SASH1: variants seen among roughly 807,000 people sequenced by gnomAD.
SASH1 encodes SAM and SH3 domain containing 1.
A neutral mutation model predicts 125.2 loss-of-function variants in SASH1; 44 were observed. The ratio of observed to expected loss-of-function variants is 0.35; its 90% confidence interval spans 0.28 to 0.45. The LOEUF (loss-of-function observed/expected upper bound fraction) is 0.45, where lower values mean the gene tolerates loss of function less well. Ranked by LOEUF, SASH1 falls within the 20% of genes least tolerant of loss-of-function variation. SASH1 has a pLI of 1.00. For missense variants in SASH1, 1,426 were observed against 1,614.5 expected, an observed-to-expected ratio of 0.88 and a Z score of 2.00; for synonymous variants, 639 against 649.1, an observed-to-expected ratio of 0.98 and a Z score of 0.24.
intron 1 of SASH1, among the ~76,000 whole-genome samples, chr6:148,295,135 A>G (rs1416857069): frequency 2.0e-5 from 3 of 152,150 alleles, no homozygotes; most frequent in Non-Finnish European, 4.4e-5. Context: ...TCCTCATTTT[A>G]TAGATGAGTA....
rs1056928594 is a variant in SASH1, at chr6:148,546,145, C to T, written c.3479C>T (p.Ala1160Val). Residue 1160 changes from alanine to valine, a missense_variant and splice_region_variant, in exon 19 of 20, where the codon GCG (alanine) becomes GTG (valine). Physicochemically the swap from Ala to Val is moderately conservative, Grantham distance 64. Around this residue, in one of 3 missense-constraint regions of SASH1, gnomAD observed 634 missense variants for 694.4 expected, o/e 0.91. Coordinates refer to ENST00000367467, the MANE Select transcript of SASH1 (RefSeq NM_015278.5). ...CAGCTTCGGAAGCAGCACCGCATGGCGGTGAGCAGCCCACAGTTCTCCAGC... is the reference window on the plus strand; with the variant it reads ...CAGCTTCGGAAGCAGCACCGCATGGTGGTGAGCAGCCCACAGTTCTCCAGC... ...VKQLRKQHRMAIPSGGLTEIC... is the reference protein window; with the variant it reads ...VKQLRKQHRMVIPSGGLTEIC... The T allele has an allele frequency of 6.2e-6, 10 of 1,613,566 alleles. No homozygotes were observed. Among genetic ancestry groups the T allele is most frequent in the Admixed American group, 3.3e-5 (2 of 59,914 alleles).
At chr6:148,450,513 C>T (rs1777043563) in intron 4 of SASH1, among the ~76,000 whole-genome samples, 1 of 152,000 alleles carries the variant, frequency 6.6e-6, no homozygotes, top group Admixed American at 6.6e-5. Context: ...TTCTCAGTCT[C>T]TTAACTGTCT....
chr6:148,415,317 C>T (rs1295705499), intron 2 of SASH1, among the ~76,000 whole-genome samples: 1 of 152,176 alleles, frequency 6.6e-6, no homozygotes, highest in Non-Finnish European at 1.5e-5. Flanking sequence ...GTGCCGCTTC[C>T]TTTCCTTCCT....
rs374218290 is a variant in SASH1, at chr6:148,359,325, G to GTTTTTT, written c.156+16113_156+16118dup. On this transcript the variant is annotated intron_variant, in intron 1 of 19. Transcript: ENST00000367467. ...AGGCATGAGCCATTGTGCTTGGCCGGTTTTTTTTTTTTTTTTAACAAATTG... is the reference window on the plus strand; with the variant it reads ...AGGCATGAGCCATTGTGCTTGGCCGGTTTTTTTTTTTTTTTTTTTTTTAACAAATTG... 3.3e-3 allele frequency among the ~76,000 whole-genome samples: 454 copies of GTTTTTT among 138,536 alleles called. 4 individuals are homozygous for GTTTTTT. Among genetic ancestry groups the GTTTTTT allele is most frequent in the Middle Eastern group, 7.5e-3 (2 of 266 alleles). 90.9% of individuals were successfully genotyped at this position (138,536 alleles called of 152,430 possible). A position where few individuals can be genotyped will look rare whatever the true frequency, so the allele number is the denominator to read the frequency against.
the SASH1 span, among the ~76,000 whole-genome samples, chr6:148,210,469 G>A: frequency 6.6e-6 from 1 of 152,220 alleles, no homozygotes; most frequent in Non-Finnish European, 1.5e-5. Flanking sequence ...GGAGGTGGAG[G>A]TTGCAGTGAG....
At chr6:148,199,113 G>A in the SASH1 span, among the ~76,000 whole-genome samples, 1 of 152,164 alleles carries the variant, frequency 6.6e-6, no homozygotes, top group African/African-American at 2.4e-5. Flanking sequence ...CAGTCGTGGT[G>A]GCTCACACCT....
chr6:148,485,377 T>G (rs1211329630), intron 7 of SASH1, among the ~76,000 whole-genome samples: 1 of 152,196 alleles, frequency 6.6e-6, no homozygotes, highest in Non-Finnish European at 1.5e-5. Context: ...TTAAAGTGAT[T>G]AATACCTCTA....
chr6:148,349,248 C>CTTT (rs1781627053), intron 1 of SASH1, among the ~76,000 whole-genome samples: 9 of 66,248 alleles, frequency 1.4e-4, no homozygotes, highest in Non-Finnish European at 2.1e-4. Flanking sequence ...TTTCTTCTTT[C>CTTT]TTTCTTTTTT....
chr6:148,519,514 T>C lies in SASH1; in HGVS notation c.863-33T>C. 6.6e-7 allele frequency: 1 copy of C among 1,507,820 alleles called. No homozygotes were observed. The highest frequency in any genetic ancestry group is 9.2e-7 in the Non-Finnish European group (1 of 1,089,962). The allele number at this position is 1,507,820 out of a possible 1,614,324, so 93.4% of individuals were successfully genotyped here. ...AGATGTATGCAAGAATGCAAAGGTG[T>C]GTTCACAAGAGACTCTGTTGGTTTC... On this transcript the variant is annotated intron_variant, in intron 9 of 19. Transcript: ENST00000367467. The surrounding 1 kb of genome is among the most constrained non-coding windows in gnomAD (Gnocchi z 4.8).
chr6:148,293,546 G>A (rs1036844414), intron 1 of SASH1, among the ~76,000 whole-genome samples: 2 of 152,148 alleles, frequency 1.3e-5, no homozygotes, highest in African/African-American at 4.8e-5. Flanking sequence ...CTGCCTTCTT[G>A]ACAGCTGTAC....
upstream of SASH1, among the ~76,000 whole-genome samples, chr6:148,270,012 G>A (rs184425625): frequency 1.1e-4 from 17 of 148,486 alleles, no homozygotes; most frequent in East Asian, 1.8e-3. Context: ...ACCATAGACC[G>A]ATATACACTG....
chr6:148,506,667 G>C (rs1779819545), intron 8 of SASH1, among the ~76,000 whole-genome samples: 1 of 152,130 alleles, frequency 6.6e-6, no homozygotes, highest in East Asian at 1.9e-4. Flanking sequence ...ATTAAACCCA[G>C]GTTTTTCTAA....
chr6:148,263,347 C>G, the SASH1 span, among the ~76,000 whole-genome samples: 6 of 152,308 alleles, frequency 3.9e-5, no homozygotes, highest in East Asian at 9.6e-4. Context: ...GAAGGCAGTT[C>G]TGAGGTTCAC....
the SASH1 span, among the ~76,000 whole-genome samples, chr6:148,235,878 C>T: frequency 2.0e-4 from 31 of 152,284 alleles, no homozygotes; most frequent in African/African-American, 7.2e-4. Context: ...TCAATCAAAC[C>T]TTATCGTGTC....
chr6:148,387,369 C>T (rs948586833), intron 1 of SASH1, among the ~76,000 whole-genome samples: 1 of 151,840 alleles, frequency 6.6e-6, no homozygotes, highest in African/African-American at 2.4e-5. Flanking sequence ...CCACCTGCCT[C>T]CCAAAGTGCT....
chr6:148,450,688 TA>T (rs1777056878), intron 4 of SASH1, among the ~76,000 whole-genome samples: 2 of 111,034 alleles, frequency 1.8e-5, no homozygotes, highest in Non-Finnish European at 4.1e-5. Context: ...TATTATATGT[TA>T]TCTTTTTTTT....
chr6:148,453,113 G>C (rs1016460167), intron 4 of SASH1, among the ~76,000 whole-genome samples: 1 of 152,292 alleles, frequency 6.6e-6, no homozygotes, highest in East Asian at 1.9e-4. Context: ...CCTTCCCTCT[G>C]TCTGGCGAGT....
chr6:148,261,230 C>G, the SASH1 span, among the ~76,000 whole-genome samples: 1 of 152,106 alleles, frequency 6.6e-6, no homozygotes, highest in Non-Finnish European at 1.5e-5. Context: ...AATAGTCAAC[C>G]CTCACACCTC....
chr6:148,548,540 A>G lies in SASH1; in HGVS notation c.3726A>G (p.Pro1242=). The G allele has an allele frequency of 6.2e-7, 1 of 1,606,144 alleles. No individual in the cohort carries two copies. Among genetic ancestry groups the G allele is most frequent in the Non-Finnish European group, 8.5e-7 (1 of 1,176,112 alleles). The change falls in exon 20 of 20, where the codon CCA becomes CCG. Residue 1242 remains proline (P), a synonymous_variant. Coordinates refer to ENST00000367467, the MANE Select transcript of SASH1 (RefSeq NM_015278.5). ...LSAARLFKLP[P]GPEAM ...CAGCCAGACTCTTCAAACTGCCGCC[A>G]GGCCCTGAGGCCATGTAGCCAGGCC...
Sources: gnomAD v4.1 joint callset for allele counts (sites outside exome capture counted in the v4.1 genomes callset) on GRCh38, gnomAD v4.1.1 for gene constraint, gnomAD v4.1.1 regional missense constraint, Gnocchi (gnomAD v3.1) non-coding constraint, MANE v1.5 for transcripts, NCBI Gene and HGNC (gene_info 2026-07-23, HGNC 2026-07-21) for gene names.